The following ZNF571 variants were observed in gnomAD, a reference collection of about 807,000 sequenced individuals.
ZNF571 encodes zinc finger protein 571.
Under a neutral mutation model 7.7 loss-of-function variants are expected in ZNF571, and 4 were observed. The ratio of observed to expected loss-of-function variants is 0.52; its 90% CI spans 0.25 to 1.18. The LOEUF (loss-of-function observed/expected upper bound fraction) is 1.18, where lower values mean the gene tolerates loss of function less well. ZNF571 is among the 50% of genes most tolerant of loss of function. The probability of loss-of-function intolerance (pLI) is 0.14; values close to 1 mark genes in which losing one functional copy is unlikely to be tolerated. For missense variants in ZNF571, 704 were observed against 726.9 expected (o/e 0.97, Z 0.36); for synonymous variants, 251 against 232.4 (o/e 1.08, Z -0.73).
At chr19:37,576,936 A>G (rs1439264456) in intron 3 of ZNF571, among the ~76,000 whole-genome samples, 2 of 152,142 alleles carry the variant, frequency 1.3e-5, no homozygotes. Flanking sequence ...AATAAACCCC[A>G]GTAAACCTCA....
chr19:37,594,129 G>A (rs535842813), intron 1 of ZNF571: 3 of 152,232 alleles, frequency 2.0e-5, no homozygotes, highest in Non-Finnish European at 4.4e-5. Context: ...TGTCAAGCTA[G>A]AATAGGACAT....
At chr19:37,568,779 G>T (rs745907949) in intron 3 of ZNF571, among the ~76,000 whole-genome samples, 2 of 152,078 alleles carry the variant, frequency 1.3e-5, no homozygotes, top group Non-Finnish European at 2.9e-5. Context: ...TGAAAAAAGG[G>T]AAAACTGCAA....
At chr19:37,567,553 C>T (rs1366424802) in intron 3 of ZNF571, 1 of 152,180 alleles carries the variant, frequency 6.6e-6, no homozygotes, top group Non-Finnish European at 1.5e-5. Context: ...ATCTTCAGAA[C>T]AATGCTCTAA....
intron 3 of ZNF571, among the ~76,000 whole-genome samples, chr19:37,568,209 A>G (rs2042929484): frequency 6.6e-6 from 1 of 152,198 alleles, no homozygotes; most frequent in Non-Finnish European, 1.5e-5. Context: ...AAATAAATAC[A>G]CATCAGTAAG....
intron 3 of ZNF571, among the ~76,000 whole-genome samples, chr19:37,568,944 T>G (rs1399976644): frequency 6.6e-6 from 1 of 151,596 alleles, no homozygotes; most frequent in Admixed American, 6.6e-5. Flanking sequence ...CTGCTGACAC[T>G]CGGGAAGCCC....
rs780782603 is a variant in ZNF571, at chr19:37,564,965, T to C, written c.1463A>G (p.Gln488Arg). ...ECGKTFVRAT[Q>R]LTYHQRIHTG... is the part of the protein sequence containing the mutation. ...ATGAATTCTTTGATGATATGTAAGT[T>C]GTGTAGCACGTACAAAGGTCTTCCC... Residue 488 changes from glutamine (Q) to arginine (R), a missense_variant, in exon 4 of 4, where the codon CAA (glutamine) becomes CGA (arginine). Physicochemically the swap from Gln to Arg is conservative, Grantham distance 43. Coordinates refer to ENST00000451802, the MANE Select transcript of ZNF571 (RefSeq NM_016536.5). 6 of 1,613,736 alleles carry C rather than the reference T, an allele frequency of 3.7e-6. No individual in the cohort carries two copies. Among genetic ancestry groups the C allele is most frequent in the African/African-American group, 2.7e-5 (2 of 74,914 alleles).
At chr19:37,588,024 C>T (rs566760095) in intron 1 of ZNF571, among the ~76,000 whole-genome samples, 12 of 128,934 alleles carry the variant, frequency 9.3e-5, no homozygotes, top group South Asian at 2.7e-4. Context: ...CACTTGTACG[C>T]GGGAGGTGGA....
chr19:37,584,283 A>G (rs2043583416), intron 2 of ZNF571, 186 bp from the exon 3 acceptor site: 3 of 638,520 alleles, frequency 4.7e-6, no homozygotes, highest in Admixed American at 3.2e-5. Flanking sequence ...TCCTCTGTAC[A>G]ATAGAACAAT....
chr19:37,573,022 T>C (rs1285217518), intron 3 of ZNF571, among the ~76,000 whole-genome samples: 1 of 152,228 alleles, frequency 6.6e-6, no homozygotes, highest in Non-Finnish European at 1.5e-5. Context: ...GATTATAGAA[T>C]CTTCAATGTG....
At chr19:37,589,450 A>T (rs1347192483) in intron 1 of ZNF571, among the ~76,000 whole-genome samples, 1 of 151,966 alleles carries the variant, frequency 6.6e-6, no homozygotes, top group East Asian at 1.9e-4. Flanking sequence ...GAGAAAGACA[A>T]AAAAATCATT....
intron 1 of ZNF571, among the ~76,000 whole-genome samples, chr19:37,589,623 T>C (rs149319542): frequency 6.6e-6 from 1 of 152,168 alleles, no homozygotes; most frequent in Non-Finnish European, 1.5e-5. Context: ...TCCTTGAAGA[T>C]ACACCTATCA....
Position 37,565,693 on chromosome 19 carries a change from A to G in ZNF571, c.735T>C (p.His245=), listed in dbSNP as rs1302341383. 3 of 1,613,894 alleles carry G rather than the reference A, an allele frequency of 1.9e-6. No individual in the cohort carries two copies. Among genetic ancestry groups the G allele is most frequent in the Non-Finnish European group, 2.5e-6 (3 of 1,179,914 alleles). Residue 245 remains histidine (H), a synonymous_variant, in exon 4 of 4, where the codon CAT becomes CAC. Transcript: ENST00000451802. The part of the protein sequence containing the change: ...GSQLTEHQRV[H]TGEKPYECKK... ...TACATTCATATGGTTTCTCTCCTGT[A>G]TGAACTCTCTGATGTTCAGTGAGCT...
At chr19:37,575,904 A>T (rs1268147245) in intron 3 of ZNF571, 1 of 152,210 alleles carries the variant, frequency 6.6e-6, no homozygotes, top group Non-Finnish European at 1.5e-5. Flanking sequence ...CATGACACAA[A>T]CATATACACA....
At position 37,594,758 on chromosome 19, in the gene ZNF571, G is replaced by T. The variant is rs1489267355; in HGVS notation, c.-87C>A. Reference sequence around the variant, plus strand: ...CCACTCACCTGGCCGGCGCAGACAAGCTCCGTGCGTCAAGACATAACAGCG... The same window carrying T: ...CCACTCACCTGGCCGGCGCAGACAATCTCCGTGCGTCAAGACATAACAGCG... On this transcript the variant is annotated 5_prime_UTR_variant, in exon 1 of 4. Transcript: ENST00000451802. 1 of 152,198 alleles carries T rather than the reference G, an allele frequency of 6.6e-6. No individual in the cohort carries two copies. The highest frequency in any genetic ancestry group is 1.9e-4 in the East Asian group (1 of 5,176). The allele number at this position is 152,198 out of a possible 1,614,324, so 9.4% of individuals were successfully genotyped here.
At chr19:37,567,176 T>C (rs2042890824) in intron 3 of ZNF571, among the ~76,000 whole-genome samples, 1 of 152,244 alleles carries the variant, frequency 6.6e-6, no homozygotes, top group African/African-American at 2.4e-5. Context: ...TTTTCACTAA[T>C]GGATATACCA....
chr19:37,588,056 C>T (rs977757332), intron 1 of ZNF571, among the ~76,000 whole-genome samples: 3 of 123,808 alleles, frequency 2.4e-5, no homozygotes, highest in Non-Finnish European at 1.6e-5. Flanking sequence ...CCCAAGATTG[C>T]GCCACTGCAC....
intron 3 of ZNF571, among the ~76,000 whole-genome samples, chr19:37,567,137 T>TC (rs1164998556): frequency 6.6e-6 from 1 of 152,180 alleles, no homozygotes; most frequent in East Asian, 1.9e-4. Context: ...TATCAAAACA[T>TC]CCAACACATA....
intron 1 of ZNF571, among the ~76,000 whole-genome samples, chr19:37,589,200 C>CAAAAAAAAAA (rs35689698): frequency 9.2e-6 from 1 of 108,898 alleles, no homozygotes; most frequent in Admixed American, 1.0e-4. Context: ...AACTCCGTCT[C>CAAAAAAAAAA]AAAAAAAAAA....
At chr19:37,579,715 G>A in intron 3 of ZNF571, among the ~76,000 whole-genome samples, 1 of 152,142 alleles carries the variant, frequency 6.6e-6, no homozygotes, top group Admixed American at 6.5e-5. Flanking sequence ...AAAGCCACCA[G>A]CCATATCTAA....
Sources: gnomAD v4.1 joint callset for allele counts (sites outside exome capture counted in the v4.1 genomes callset) on GRCh38, gnomAD v4.1.1 for gene constraint, MANE v1.5 for transcripts, NCBI Gene and HGNC (gene_info 2026-07-23, HGNC 2026-07-21) for gene names.